The following APPL2 variants were observed in gnomAD, a reference collection of about 807,000 sequenced individuals.
APPL2 encodes the protein DCC-interacting protein 13-beta.
In APPL2, 84 loss-of-function variants were observed where a neutral mutation model predicts 92.7. That is an observed-to-expected ratio of 0.91 (90% CI 0.76 to 1.09). The LOEUF (loss-of-function observed/expected upper bound fraction) is 1.09. APPL2 is among the 50% of genes least tolerant of loss of function. The pLI is 0.00. For missense variants in APPL2, 736 were observed against 824.5 expected (o/e 0.89, Z 1.31); for synonymous variants, 291 against 291.0 (o/e 1.00, Z 0.00).
At chr12:105,215,636 C>A (rs1379002709) in intron 4 of APPL2, among the ~76,000 whole-genome samples, 2 of 152,160 alleles carry the variant, frequency 1.3e-5, no homozygotes, top group Non-Finnish European at 2.9e-5. Context: ...ATTTTGTAAA[C>A]TGAAGACAGT....
At chr12:105,192,620 T>C (rs1257419953) in intron 14 of APPL2, among the ~76,000 whole-genome samples, 1 of 152,218 alleles carries the variant, frequency 6.6e-6, no homozygotes, top group Non-Finnish European at 1.5e-5. Context: ...TGGCTGCGTC[T>C]TGTCTTTCAC....
intron 9 of APPL2, among the ~76,000 whole-genome samples, chr12:105,201,406 A>G (rs1888191383): frequency 6.6e-6 from 1 of 152,152 alleles, no homozygotes; most frequent in Non-Finnish European, 1.5e-5. Flanking sequence ...GGAGGAGAGA[A>G]GGGGAAGGAG....
At chr12:105,186,877 A>G (rs1268801115) in intron 17 of APPL2, among the ~76,000 whole-genome samples, 2 of 151,726 alleles carry the variant, frequency 1.3e-5, no homozygotes, top group Non-Finnish European at 2.9e-5. Context: ...GGCCATTTGT[A>G]TATGATCTTT....
At position 105,208,125 on chromosome 12, in the gene APPL2, C is replaced by T. The variant is rs770220231; in HGVS notation, c.415+33G>A. 3.1e-6 allele frequency: 5 copies of T among 1,613,982 alleles called. No individual in the cohort carries two copies. The African/African-American group carries it at 5.3e-5, about 17-fold the overall frequency. ...TCCTCCCCGCCACAGTAAGCCCACACACCCACACACCAGGAATGGAGAAGG... is the reference window on the plus strand; with the variant it reads ...TCCTCCCCGCCACAGTAAGCCCACATACCCACACACCAGGAATGGAGAAGG... On this transcript the variant is annotated intron_variant, in intron 6 of 20. Coordinates refer to ENST00000258530, the MANE Select transcript of APPL2 (RefSeq NM_018171.5).
intron 17 of APPL2, among the ~76,000 whole-genome samples, chr12:105,179,888 A>C (rs927639179): frequency 2.0e-5 from 3 of 152,164 alleles, no homozygotes; most frequent in Admixed American, 6.5e-5. Flanking sequence ...TGTCAGATGG[A>C]TAGATTGAAA....
At chr12:105,229,295 C>T (rs2293644) in intron 1 of APPL2, 72 bp from the exon 2 acceptor site, 280,171 of 1,357,902 alleles carry the variant, frequency 0.21, 29,236 homozygotes, top group East Asian at 0.34. Context: ...GGAAGATCCA[C>T]ACACCCGCAC....
At chr12:105,225,141 C>T (rs568536840) in intron 2 of APPL2, among the ~76,000 whole-genome samples, 3 of 148,688 alleles carry the variant, frequency 2.0e-5, no homozygotes, top group African/African-American at 7.4e-5. Flanking sequence ...AAAATTCCAT[C>T]CCAAATTTAC....
At chr12:105,184,950 C>A (rs1886459965) in intron 17 of APPL2, among the ~76,000 whole-genome samples, 2 of 152,176 alleles carry the variant, frequency 1.3e-5, no homozygotes, top group African/African-American at 4.8e-5. Flanking sequence ...CAGAGATGCC[C>A]TGCCCAGAGA....
At position 105,199,581 on chromosome 12, in the gene APPL2, A is replaced by G. The variant is rs774442680; in HGVS notation, c.705-50T>C. The G allele has an allele frequency of 9.5e-6, 15 of 1,572,130 alleles. No homozygotes were observed. The Admixed American group carries it at 1.1e-4, about 11-fold the overall frequency. ...GTTACTCACTGCTGGCCAACCCAGC[A>G]CTACTAAGAAGCCACTGGCAGCCAT... On this transcript the variant is annotated intron_variant, in intron 9 of 20. Coordinates refer to ENST00000258530, the MANE Select transcript of APPL2 (RefSeq NM_018171.5).
At chr12:105,215,899 C>T (rs1239073887) in intron 4 of APPL2, among the ~76,000 whole-genome samples, 2 of 151,940 alleles carry the variant, frequency 1.3e-5, no homozygotes, top group African/African-American at 2.4e-5. Flanking sequence ...AAAAATTAGC[C>T]GGGCGTAGTC....
rs749487086 is a variant in APPL2, at chr12:105,211,319, TGAAA to T, written c.286-6_286-3del. The T allele has an allele frequency of 3.7e-6, 6 of 1,602,484 alleles. No individual in the cohort carries two copies. The Admixed American group carries it at 5.0e-5, about 13-fold the overall frequency. On this transcript the variant is annotated splice_region_variant and splice_polypyrimidine_tract_variant and intron_variant, in intron 4 of 20. Transcript: ENST00000258530. ...CAGCTCTGTATGGAGAAGATTAAGCTGAAAGAAAGAGAATGGTATTCAAGTAAAT... is the reference window on the plus strand; with the variant it reads ...CAGCTCTGTATGGAGAAGATTAAGCTGAAAGAGAATGGTATTCAAGTAAAT...
chr12:105,199,530 T>C lies in APPL2; in HGVS notation c.706A>G (p.Ile236Val), dbSNP rs1887962250. 1.2e-6 allele frequency: 2 copies of C among 1,613,398 alleles called. No homozygotes were observed. Among genetic ancestry groups the C allele is most frequent in the Admixed American group, 1.7e-5 (1 of 59,976 alleles). Reference sequence around the variant, plus strand: ...GCCTCGGCTTCCAGTTCTACCTGAATGCTTAAGACAGAAGGTGTTGGGTCA... The same window carrying C: ...GCCTCGGCTTCCAGTTCTACCTGAACGCTTAAGACAGAAGGTGTTGGGTCA... ...LSSVADMVQS[I>V]QVELEAEAEK... The change falls in exon 10 of 21, where the codon ATT (isoleucine) becomes GTT (valine). Residue 236 changes from isoleucine (I) to valine (V), a missense_variant and splice_region_variant. Ile to Val is a conservative substitution (Grantham distance 29). Coordinates refer to ENST00000258530, the MANE Select transcript of APPL2 (RefSeq NM_018171.5).
At chr12:105,212,778 C>T (rs1019751044) in intron 4 of APPL2, among the ~76,000 whole-genome samples, 10 of 152,248 alleles carry the variant, frequency 6.6e-5, no homozygotes, top group African/African-American at 1.4e-4. Context: ...CTTCTGCACA[C>T]GCATCTCCCA....
intron 14 of APPL2, 147 bp downstream of exon 14, chr12:105,195,114 T>G: frequency 1.3e-6 from 1 of 751,558 alleles, no homozygotes; most frequent in Non-Finnish European, 2.2e-6. Flanking sequence ...AGGCAGGTAT[T>G]TAACCTTTCC....
intron 17 of APPL2, among the ~76,000 whole-genome samples, chr12:105,184,272 A>G (rs1009561729): frequency 5.3e-5 from 8 of 151,782 alleles, no homozygotes; most frequent in African/African-American, 1.9e-4. Flanking sequence ...AATTCTTCAA[A>G]CTCATTCTCC....
intron 3 of APPL2, among the ~76,000 whole-genome samples, chr12:105,217,418 T>C (rs1375474810): frequency 6.6e-6 from 1 of 152,230 alleles, no homozygotes; most frequent in African/African-American, 2.4e-5. Context: ...GTTGATTCAC[T>C]TGTAGTTCCT....
intron 1 of APPL2, among the ~76,000 whole-genome samples, chr12:105,230,184 T>C (rs3794223): frequency 0.19 from 29,014 of 152,106 alleles, 2,933 homozygotes; most frequent in East Asian, 0.28. Flanking sequence ...AAAACTCAAA[T>C]AGCAACTTAA....
chr12:105,178,159 TAAAC>T (rs1885732369), intron 17 of APPL2, among the ~76,000 whole-genome samples: 2 of 152,190 alleles, frequency 1.3e-5, no homozygotes, highest in African/African-American at 4.8e-5. Context: ...TCCTAGAAAA[TAAAC>T]TATATGAGAG....
At chr12:105,187,033 T>C (rs1430491616) in intron 17 of APPL2, among the ~76,000 whole-genome samples, 1 of 152,222 alleles carries the variant, frequency 6.6e-6, no homozygotes, top group African/African-American at 2.4e-5. Context: ...CTGTAGTTTT[T>C]CTTTTCACTT....
Sources: allele counts gnomAD v4.1 joint callset (sites outside exome capture counted in the v4.1 genomes callset), GRCh38; gene constraint gnomAD v4.1.1; transcripts MANE v1.5; gene names NCBI Gene and HGNC (gene_info 2026-07-23, HGNC 2026-07-21).